Variants in TNFSF4 observed in about 807,000 individuals in gnomAD.
TNFSF4 encodes tumor necrosis factor ligand superfamily member 4.
In TNFSF4, 4 loss-of-function variants were observed where a neutral mutation model predicts 7.3. That is an observed-to-expected ratio of 0.55 (90% CI 0.27 to 1.25). The LOEUF is 1.25. Ranked by LOEUF, TNFSF4 falls within the 50% of genes most tolerant of loss-of-function variation. TNFSF4 has a pLI of 0.12. For synonymous variants in TNFSF4, 76 were observed against 83.7 expected (o/e 0.91, Z 0.50); for missense variants, 181 against 208.8 (o/e 0.87, Z 0.82).
At chr1:173,213,750 AG>A in the TNFSF4 span, among the ~76,000 whole-genome samples, 2 of 152,238 alleles carry the variant, frequency 1.3e-5, no homozygotes, top group Non-Finnish European at 2.9e-5. Context: ...TCATTCCAAA[AG>A]GAAATCTATA....
At chr1:173,437,918 A>AAT in the TNFSF4 span, among the ~76,000 whole-genome samples, 92,118 of 151,848 alleles carry the variant, frequency 0.61, 29,848 homozygotes, top group South Asian at 0.78. Flanking sequence ...TCAGAACATA[A>AAT]AAGAAAAATT....
the TNFSF4 span, among the ~76,000 whole-genome samples, chr1:173,340,714 G>A: frequency 6.7e-6 from 1 of 150,364 alleles, no homozygotes; most frequent in Non-Finnish European, 1.5e-5. Flanking sequence ...TGGCCTGAGA[G>A]TGATAAAGAG....
chr1:173,288,372 G>A, the TNFSF4 span, among the ~76,000 whole-genome samples: 1 of 152,134 alleles, frequency 6.6e-6, no homozygotes, highest in Non-Finnish European at 1.5e-5. Context: ...GGAGGCAGAG[G>A]TTGCAGTGAG....
upstream of TNFSF4, chr1:173,207,354 A>G (rs1052728573): frequency 6.2e-6 from 3 of 486,952 alleles, no homozygotes; most frequent in African/African-American, 3.9e-5. Flanking sequence ...GGACTCTCTC[A>G]GTTTTAACGC....
At chr1:173,363,265 G>T in the TNFSF4 span, 1 of 305,520 alleles carries the variant, frequency 3.3e-6, no homozygotes. Flanking sequence ...TAAGACAGAT[G>T]TCCTCTCCCT....
At chr1:173,362,616 A>G in the TNFSF4 span, 1 of 491,924 alleles carries the variant, frequency 2.0e-6, no homozygotes, top group South Asian at 1.6e-5. Flanking sequence ...TAAGTTTTGC[A>G]TGCTGCTGGT....
chr1:173,304,823 C>G, the TNFSF4 span, among the ~76,000 whole-genome samples: 3 of 151,962 alleles, frequency 2.0e-5, no homozygotes, highest in African/African-American at 7.2e-5. Flanking sequence ...GTGTCAGAAG[C>G]CACACATTGT....
chr1:173,360,080 T>A, the TNFSF4 span, among the ~76,000 whole-genome samples: 1 of 152,258 alleles, frequency 6.6e-6, no homozygotes, highest in African/African-American at 2.4e-5. Context: ...ATACTGCTAA[T>A]CAATATCCTT....
At chr1:173,232,200 A>T in the TNFSF4 span, among the ~76,000 whole-genome samples, 47 of 151,772 alleles carry the variant, frequency 3.1e-4, no homozygotes, top group Non-Finnish European at 1.0e-4. Context: ...TGTAAGTTGG[A>T]TTCCTAGGTA....
At chr1:173,305,263 A>G in the TNFSF4 span, among the ~76,000 whole-genome samples, 12 of 152,024 alleles carry the variant, frequency 7.9e-5, no homozygotes, top group African/African-American at 2.9e-4. Context: ...CCCATAAATT[A>G]TAAGAACACT....
At chr1:173,228,395 C>T in the TNFSF4 span, among the ~76,000 whole-genome samples, 1 of 152,196 alleles carries the variant, frequency 6.6e-6, no homozygotes, top group Non-Finnish European at 1.5e-5. Context: ...AACTAACAAA[C>T]AGAAAGGACA....
At chr1:173,310,554 T>C in the TNFSF4 span, among the ~76,000 whole-genome samples, 1 of 151,908 alleles carries the variant, frequency 6.6e-6, no homozygotes, top group African/African-American at 2.4e-5. Context: ...GGACCCAAAA[T>C]ATAGTCAATT....
chr1:173,246,026 T>A, the TNFSF4 span, among the ~76,000 whole-genome samples: 4 of 152,262 alleles, frequency 2.6e-5, no homozygotes, highest in Non-Finnish European at 5.9e-5. Flanking sequence ...TTGGCTGTTG[T>A]GAATAGTGTT....
At chr1:173,206,911 A>G (rs1473289475) in intron 1 of TNFSF4, 113 bp downstream of exon 1, 10 of 1,268,096 alleles carry the variant, frequency 7.9e-6, no homozygotes, top group South Asian at 3.6e-5. Flanking sequence ...GGGGAGAGGG[A>G]AAAAAAACTC....
the TNFSF4 span, among the ~76,000 whole-genome samples, chr1:173,407,637 AATC>A: frequency 6.6e-6 from 1 of 151,936 alleles, no homozygotes; most frequent in African/African-American, 2.4e-5. Context: ...TGTAGATTAA[AATC>A]ATCACTATCA....
At chr1:173,282,000 T>C in the TNFSF4 span, among the ~76,000 whole-genome samples, 1 of 152,126 alleles carries the variant, frequency 6.6e-6, no homozygotes, top group African/African-American at 2.4e-5. Flanking sequence ...TTTTTCAAAG[T>C]TGATCTCATG....
At chr1:173,257,159 G>T in the TNFSF4 span, among the ~76,000 whole-genome samples, 1 of 152,276 alleles carries the variant, frequency 6.6e-6, no homozygotes, top group African/African-American at 2.4e-5. Flanking sequence ...TATCTCCAAG[G>T]CTTAATGCAG....
At chr1:173,251,656 T>C in the TNFSF4 span, among the ~76,000 whole-genome samples, 1 of 152,230 alleles carries the variant, frequency 6.6e-6, no homozygotes, top group Non-Finnish European at 1.5e-5. Flanking sequence ...TTTCCTTATA[T>C]GTACAATAGG....
At chr1:173,334,116 G>C in the TNFSF4 span, among the ~76,000 whole-genome samples, 1 of 152,026 alleles carries the variant, frequency 6.6e-6, no homozygotes, top group Admixed American at 6.5e-5. Context: ...TACTAAGATT[G>C]GTTCTAAGGA....
Sources: allele counts gnomAD v4.1 joint callset (sites outside exome capture counted in the v4.1 genomes callset), GRCh38; gene constraint gnomAD v4.1.1; transcripts MANE v1.5; gene names NCBI Gene and HGNC (gene_info 2026-07-23, HGNC 2026-07-21).